Variants in TRIP4 observed in about 807,000 individuals in gnomAD.
TRIP4 encodes activating signal cointegrator 1.
TRIP4 carries 54 observed loss-of-function variants against 81.8 expected under a neutral mutation model. The observed-to-expected ratio is 0.66, with a 90% CI of 0.53 to 0.83. The LOEUF is 0.83. Among genes scored for constraint, TRIP4 ranks in the 40% least tolerant of loss-of-function variants. The probability of loss-of-function intolerance (pLI) is 0.00; values close to 1 mark genes in which losing one functional copy is unlikely to be tolerated. For synonymous variants in TRIP4, 270 were observed against 242.8 expected, an observed-to-expected ratio of 1.11 and a Z score of -1.04; for missense variants, 662 against 683.6, an observed-to-expected ratio of 0.97 and a Z score of 0.35.
intron 3 of TRIP4, among the ~76,000 whole-genome samples, chr15:64,396,388 T>C (rs958177219): frequency 2.7e-5 from 4 of 150,198 alleles, no homozygotes; most frequent in African/African-American, 9.9e-5. Flanking sequence ...ACGATTCTCC[T>C]GCCTCAGTCT....
chr15:64,444,201 CTA>C (rs1427668397), intron 11 of TRIP4, among the ~76,000 whole-genome samples: 1 of 152,120 alleles, frequency 6.6e-6, no homozygotes. Context: ...ACCCAGAAGC[CTA>C]TGAGTCATAT....
chr15:64,435,213 C>CAA (rs35216763), intron 11 of TRIP4, among the ~76,000 whole-genome samples: 2,583 of 49,522 alleles, frequency 0.052, 208 homozygotes, highest in Non-Finnish European at 0.064. Context: ...GACCCCATCT[C>CAA]AAAAAAAAAA....
chr15:64,399,340 T>A (rs1355826338), intron 4 of TRIP4, among the ~76,000 whole-genome samples: 1 of 152,102 alleles, frequency 6.6e-6, no homozygotes, highest in Non-Finnish European at 1.5e-5. Flanking sequence ...AAATGTCCAT[T>A]AAATGGCAGT....
At chr15:64,395,362 G>A (rs762989448) in intron 2 of TRIP4, 36 bp from the exon 3 acceptor site, 3 of 1,527,848 alleles carry the variant, frequency 2.0e-6, no homozygotes, top group African/African-American at 2.9e-5. Context: ...TTATCAATCT[G>A]TGTGTGTGTG....
intron 11 of TRIP4, among the ~76,000 whole-genome samples, chr15:64,444,496 A>C (rs1458476710): frequency 6.6e-6 from 1 of 152,244 alleles, no homozygotes; most frequent in Non-Finnish European, 1.5e-5. Context: ...CCAGCAAAAC[A>C]GCTTTTGCAT....
At chr15:64,452,705 A>G (rs560653345) in intron 12 of TRIP4, among the ~76,000 whole-genome samples, 10 of 152,344 alleles carry the variant, frequency 6.6e-5, no homozygotes, top group African/African-American at 2.4e-4. Context: ...TCACTGTATC[A>G]GATTGCCTCA....
chr15:64,421,368 G>A (rs1436644757), intron 9 of TRIP4, among the ~76,000 whole-genome samples: 1 of 146,162 alleles, frequency 6.8e-6, no homozygotes, highest in Non-Finnish European at 1.5e-5. Context: ...ACAGGATCTC[G>A]CTCTGTTGCC....
chr15:64,438,846 C>A (rs1892457140), intron 11 of TRIP4, among the ~76,000 whole-genome samples: 1 of 152,166 alleles, frequency 6.6e-6, no homozygotes, highest in Admixed American at 6.6e-5. Flanking sequence ...TAAAATGAGA[C>A]CTGGTTGTAG....
At chr15:64,411,144 G>A (rs148430438) in intron 7 of TRIP4, among the ~76,000 whole-genome samples, 1 of 152,114 alleles carries the variant, frequency 6.6e-6, no homozygotes, top group East Asian at 1.9e-4. Flanking sequence ...TAGTTCCAGG[G>A]ATTAGAAGAG....
chr15:64,388,734 T>C (rs1367428514), intron 1 of TRIP4, among the ~76,000 whole-genome samples: 1 of 152,206 alleles, frequency 6.6e-6, no homozygotes, highest in Admixed American at 6.6e-5. Flanking sequence ...CTTCTGACTC[T>C]GGAGTCTCAG....
rs191640385 is a variant in TRIP4 at position 64,426,140 on chromosome 15, C to A, written c.1575+509C>A. 1.6e-4 allele frequency among the ~76,000 whole-genome samples: 24 copies of A among 152,142 alleles called. No individual in the cohort carries two copies. The East Asian group carries it at 4.7e-3, about 29-fold the overall frequency. On this transcript the variant is annotated intron_variant, in intron 11 of 12. Coordinates refer to ENST00000261884, the MANE Select transcript of TRIP4 (RefSeq NM_016213.5). Reference sequence around the variant, plus strand: ...CTAGCAAGTATATAGGGTCTTCATCCCTTACCAAAACCTTGCTTCTTTTGA... The same window carrying A: ...CTAGCAAGTATATAGGGTCTTCATCACTTACCAAAACCTTGCTTCTTTTGA...
intron 11 of TRIP4, among the ~76,000 whole-genome samples, chr15:64,434,732 G>A (rs1251497355): frequency 6.6e-6 from 1 of 152,178 alleles, no homozygotes; most frequent in Non-Finnish European, 1.5e-5. Context: ...GGGGCTTTAT[G>A]TAGGTAGAAT....
intron 11 of TRIP4, among the ~76,000 whole-genome samples, chr15:64,440,990 ATT>A (rs1396061395): frequency 1.4e-5 from 2 of 144,892 alleles, no homozygotes; most frequent in African/African-American, 5.0e-5. Context: ...TGGTAAATTC[ATT>A]TTTTTTTTTT....
At chr15:64,431,152 G>A (rs1361607861) in intron 11 of TRIP4, among the ~76,000 whole-genome samples, 1 of 152,096 alleles carries the variant, frequency 6.6e-6, no homozygotes, top group East Asian at 1.9e-4. Flanking sequence ...CCAGGCACTG[G>A]AATTCAAAAT....
chr15:64,401,838 C>T (rs1484526000), intron 5 of TRIP4, among the ~76,000 whole-genome samples: 4 of 152,100 alleles, frequency 2.6e-5, no homozygotes, highest in African/African-American at 9.7e-5. Context: ...CAAGCACGAT[C>T]CACCAATGGA....
chr15:64,391,167 T>C (rs1222528257), intron 1 of TRIP4, among the ~76,000 whole-genome samples: 1 of 151,904 alleles, frequency 6.6e-6, no homozygotes, highest in Non-Finnish European at 1.5e-5. Context: ...TTTTTTTTTT[T>C]CTTTTTTGAG....
intron 2 of TRIP4, 27 bp downstream of exon 2, chr15:64,394,142 T>C (rs1900217465): frequency 6.5e-7 from 1 of 1,547,564 alleles, no homozygotes; most frequent in African/African-American, 1.4e-5. Context: ...ATGCAAATGT[T>C]GAAATATTGG....
intron 11 of TRIP4, among the ~76,000 whole-genome samples, chr15:64,434,471 A>C (rs1472085481): frequency 6.6e-6 from 1 of 152,214 alleles, no homozygotes; most frequent in African/African-American, 2.4e-5. Flanking sequence ...TAGGCATTCA[A>C]ATCTATCAAA....
intron 11 of TRIP4, among the ~76,000 whole-genome samples, chr15:64,443,475 T>C (rs1024361890): frequency 9.2e-5 from 14 of 152,220 alleles, no homozygotes; most frequent in African/African-American, 3.1e-4. Context: ...CTGGTCTCTG[T>C]AGAATTAGGT....
Sources: gnomAD v4.1 joint callset for allele counts (sites outside exome capture counted in the v4.1 genomes callset) on GRCh38, gnomAD v4.1.1 for gene constraint, MANE v1.5 for transcripts, NCBI Gene and HGNC (gene_info 2026-07-23, HGNC 2026-07-21) for gene names.